The following TEX261 variants were observed in gnomAD, a reference collection of about 807,000 sequenced individuals.
The protein encoded by TEX261 is protein TEX261.
A neutral mutation model predicts 25.1 loss-of-function variants in TEX261; 13 were observed. The ratio of observed to expected loss-of-function variants is 0.52; its 90% CI spans 0.34 to 0.82. The LOEUF (loss-of-function observed/expected upper bound fraction) is 0.82. Ranked by LOEUF, TEX261 falls within the 40% of genes least tolerant of loss-of-function variation. The pLI is 0.02. For synonymous variants in TEX261, 92 were observed against 97.8 expected, an observed-to-expected ratio of 0.94 and a Z score of 0.35; for missense variants, 206 against 243.2, an observed-to-expected ratio of 0.85 and a Z score of 1.02.
At chr2:70,992,703 T>G (rs1670327345) in intron 2 of TEX261, among the ~76,000 whole-genome samples, 1 of 149,344 alleles carries the variant, frequency 6.7e-6, no homozygotes, top group African/African-American at 2.5e-5. Flanking sequence ...CACTCCAGCC[T>G]GGGTAATAAG....
Position 70,992,952 on chromosome 2 carries a change from T to A in TEX261, c.150+744A>T, listed in dbSNP as rs1670331878. 7.2e-5 allele frequency among the ~76,000 whole-genome samples: 11 copies of A among 152,344 alleles called. No homozygotes were observed. In the South Asian group the frequency reaches 2.1e-3, roughly 29 times the overall value. On this transcript the variant is annotated intron_variant, in intron 2 of 5. Transcript: ENST00000272438. ...CAGTGCTTAGCAAATGACAGTTGGC[T>A]GAATGAAGGGCTAATTACTGTGCCA...
At chr2:70,993,675 C>G (rs74873566) in intron 2 of TEX261, 21 bp downstream of exon 2, 31,407 of 1,605,876 alleles carry the variant, frequency 0.02, 429 homozygotes, top group Non-Finnish European at 0.022. Flanking sequence ...AGGAGGACTC[C>G]TGGAGAAAGA....
In TEX261 at chr2:70,988,952, G is replaced by T. The variant is rs369333145; in HGVS notation, c.438C>A (p.Ala146=). Residue 146 remains alanine (A), a synonymous_variant, in exon 5 of 6, where the codon GCC becomes GCA. Coordinates refer to ENST00000272438, the MANE Select transcript of TEX261 (RefSeq NM_144582.3). ...IPFAFFVSLS[A]GENVLPSTMQ... ...TGGTAGAGGGCAGGACGTTCTCCCC[G>T]GCCGAAAGTGACACAAAAAACGCAA... The T allele has an allele frequency of 6.2e-7, 1 of 1,614,080 alleles. No individual in the cohort carries two copies.
intron 5 of TEX261, 44 bp from the exon 6 acceptor site, chr2:70,988,759 T>G: frequency 6.6e-7 from 1 of 1,526,456 alleles, no homozygotes; most frequent in Non-Finnish European, 9.1e-7. Flanking sequence ...AGAGAGTGTG[T>G]GTGTGTGTGT....
At chr2:70,989,880 CA>C in intron 3 of TEX261, 64 bp from the exon 4 acceptor site, 1 of 1,267,044 alleles carries the variant, frequency 7.9e-7, no homozygotes. Context: ...CTTTTAACTT[CA>C]AAAGGCCCTC....
chr2:70,994,793 C>T lies in TEX261; in HGVS notation c.-36G>A, dbSNP rs782440321. 6 of 1,507,444 alleles carry T rather than the reference C, an allele frequency of 4.0e-6. No homozygotes were observed. In the African/African-American group the frequency reaches 8.6e-5, roughly 22 times the overall value. The allele number at this position is 1,507,444 out of a possible 1,614,324, so 93.4% of individuals were successfully genotyped here. A position where few individuals can be genotyped will look rare whatever the true frequency, so the allele number is the denominator to read the frequency against. On this transcript the variant is annotated 5_prime_UTR_variant, in exon 1 of 6. Coordinates refer to ENST00000272438, the MANE Select transcript of TEX261 (RefSeq NM_144582.3). ...CCCGCCCGCTCCCCGGCCACCGGGA[C>T]GGGCCTGCGCGCTTCGGCTCCGGCG...
chr2:70,992,083 T>G (rs1670312952), intron 2 of TEX261, 100 bp from the exon 3 acceptor site: 8 of 1,179,640 alleles, frequency 6.8e-6, no homozygotes, highest in Non-Finnish European at 9.0e-6. Flanking sequence ...AGGTTCATGC[T>G]TCAATCTCCT....
At position 70,988,730 on chromosome 2, in the gene TEX261, G is replaced by A. The variant is rs782583731; in HGVS notation, c.476-15C>T. ...GACGACATCATCTGTGGAGATACAG[G>A]CAAGAATATGAGAGAGAGAGAGAGT... On this transcript the variant is annotated splice_polypyrimidine_tract_variant and intron_variant, in intron 5 of 5. Transcript: ENST00000272438. 1.2e-5 allele frequency: 20 copies of A among 1,601,698 alleles called. No homozygotes were observed. Among genetic ancestry groups the A allele is most frequent in the Middle Eastern group, 1.6e-4 (1 of 6,068 alleles).
intron 2 of TEX261, among the ~76,000 whole-genome samples, chr2:70,993,093 G>C (rs1308440227): frequency 6.6e-6 from 1 of 152,208 alleles, no homozygotes; most frequent in Non-Finnish European, 1.5e-5. Context: ...CAGGCGACTT[G>C]AGGGGCTGTG....
intron 3 of TEX261, among the ~76,000 whole-genome samples, chr2:70,991,372 G>A (rs1670295589): frequency 1.3e-5 from 2 of 152,242 alleles, no homozygotes; most frequent in Non-Finnish European, 2.9e-5. Flanking sequence ...GCCCCCAGGA[G>A]GCATTCACAC....
chr2:70,992,558 C>T (rs1670323313), intron 2 of TEX261, among the ~76,000 whole-genome samples: 1 of 151,964 alleles, frequency 6.6e-6, no homozygotes, highest in Non-Finnish European at 1.5e-5. Flanking sequence ...GGAGAAACCC[C>T]ATCTCTACTA....
In TEX261 at chr2:70,994,696, A is replaced by G; in HGVS notation, c.62T>C (p.Leu21Pro). 1 of 1,603,800 alleles carries G rather than the reference A, an allele frequency of 6.2e-7. No homozygotes were observed. Among genetic ancestry groups the G allele is most frequent in the Non-Finnish European group, 8.5e-7 (1 of 1,176,084 alleles). Residue 21 changes from leucine (L) to proline (P), a missense_variant, in exon 1 of 6, where the codon CTG becomes CCG. Coordinates refer to ENST00000272438, the MANE Select transcript of TEX261 (RefSeq NM_144582.3). The part of the protein sequence containing the change: ...SLFIQVAFIT[L>P]AVAAGLYYLA... The stretch of plus-strand genomic sequence containing the variant: ...GGGTCGTGCAGTCTCACCGACAGCC[A>G]GCGTGATGAAGGCCACCTGGATGAA...
intron 3 of TEX261, 106 bp from the exon 4 acceptor site, chr2:70,989,922 C>G (rs953190457): frequency 1.0e-5 from 8 of 790,560 alleles, no homozygotes; most frequent in Admixed American, 1.9e-5. Flanking sequence ...GAGTCTTAGG[C>G]CTGACTTTAC....
chr2:70,988,772 G>GCA, intron 5 of TEX261, 57 bp from the exon 6 acceptor site: 1 of 1,503,258 alleles, frequency 6.7e-7, no homozygotes, highest in Non-Finnish European at 9.3e-7. Flanking sequence ...GTGTGTGTGC[G>GCA]CATGTGTGTG....
chr2:70,994,806 T>C lies in TEX261; in HGVS notation c.-49A>G. On this transcript the variant is annotated 5_prime_UTR_variant, in exon 1 of 6. Coordinates refer to ENST00000272438, the MANE Select transcript of TEX261 (RefSeq NM_144582.3). ...CGGCCACCGGGACGGGCCTGCGCGC[T>C]TCGGCTCCGGCGACACACAGCCGCC... 8 of 1,455,098 alleles carry C rather than the reference T, an allele frequency of 5.5e-6. No homozygotes were observed. Among genetic ancestry groups the C allele is most frequent in the South Asian group, 1.4e-5 (1 of 73,036 alleles). 90.1% of individuals were successfully genotyped at this position (1,455,098 alleles called of 1,614,324 possible). A position where few individuals can be genotyped will look rare whatever the true frequency, so the allele number is the denominator to read the frequency against.
intron 4 of TEX261, 131 bp from the exon 5 acceptor site, chr2:70,989,148 A>G: frequency 1.3e-6 from 1 of 748,734 alleles, no homozygotes; most frequent in Non-Finnish European, 2.3e-6. Flanking sequence ...AGGCCTGGGA[A>G]GCAGGGAACG....
intron 3 of TEX261, among the ~76,000 whole-genome samples, chr2:70,991,460 G>T (rs565646177): frequency 7.2e-5 from 11 of 152,238 alleles, no homozygotes; most frequent in Admixed American, 2.6e-4. Flanking sequence ...AGGACTGGAC[G>T]GACAGCTGCC....
intron 4 of TEX261, chr2:70,989,530 A>G (rs1553425390): frequency 2.0e-5 from 11 of 544,346 alleles, no homozygotes; most frequent in Non-Finnish European, 3.3e-5. Context: ...CAAAGGACTC[A>G]CTGAGGAAGA....
Position 70,994,831 on chromosome 2 carries a change from C to T in TEX261, c.-74G>A. 8 of 1,285,418 alleles carry T rather than the reference C, an allele frequency of 6.2e-6. No homozygotes were observed. Among genetic ancestry groups the T allele is most frequent in the Non-Finnish European group, 7.9e-6 (8 of 1,016,052 alleles). The allele number at this position is 1,285,418 out of a possible 1,614,324, so 79.6% of individuals were successfully genotyped here. A position where few individuals can be genotyped will look rare whatever the true frequency, so the allele number is the denominator to read the frequency against. On this transcript the variant is annotated 5_prime_UTR_variant, in exon 1 of 6. Coordinates refer to ENST00000272438, the MANE Select transcript of TEX261 (RefSeq NM_144582.3). ...TTCGGCTCCGGCGACACACAGCCGC[C>T]ACCGCCGCCGCCGCCGCCGCGTCCC...
Sources: allele counts gnomAD v4.1 joint callset (sites outside exome capture counted in the v4.1 genomes callset), GRCh38; gene constraint gnomAD v4.1.1; transcripts MANE v1.5; gene names NCBI Gene and HGNC (gene_info 2026-07-23, HGNC 2026-07-21).